CDHR1: variants seen among roughly 807,000 people sequenced by gnomAD.
CDHR1 encodes the protein cadherin related family member 1.
Under a neutral mutation model 72.1 loss-of-function variants are expected in CDHR1, and 61 were observed. The observed-to-expected ratio is 0.85, with a 90% CI of 0.69 to 1.05. The LOEUF is 1.05. Among genes scored for constraint, CDHR1 ranks in the 50% least tolerant of loss-of-function variants. The pLI is 0.00. For synonymous variants in CDHR1, 470 were observed against 448.1 expected, an observed-to-expected ratio of 1.05 and a Z score of -0.62; for missense variants, 1,186 against 1,115.7, an observed-to-expected ratio of 1.06 and a Z score of -0.90.
intron 9 of CDHR1, 95 bp from the exon 10 acceptor site, chr10:84,205,732 A>G: frequency 1.2e-6 from 1 of 800,580 alleles, no homozygotes; most frequent in South Asian, 1.4e-5. Context: ...TTCTATGAAG[A>G]CTTCCCTAGG....
At chr10:84,219,179 G>T (rs202193542), downstream of CDHR1, 5 of 1,550,438 alleles carry the variant, frequency 3.2e-6, no homozygotes, top group Admixed American at 3.9e-5. Context: ...TCCAGCCAGG[G>T]TCTGTTCTTG....
downstream of CDHR1, chr10:84,219,272 C>G (rs1435006227): frequency 3.2e-6 from 5 of 1,549,990 alleles, no homozygotes; most frequent in Middle Eastern, 6.7e-4. Flanking sequence ...GCCCAAGCAT[C>G]TTAAAAAGTA....
In CDHR1 at chr10:84,201,871, C is replaced by T. The variant is rs377285624; in HGVS notation, c.590C>T (p.Thr197Ile). 5.0e-6 allele frequency: 8 copies of T among 1,609,070 alleles called. No individual in the cohort carries two copies. The highest frequency in any genetic ancestry group is 5.9e-6 in the Non-Finnish European group (7 of 1,180,004). ...GTGCTGCGCCTCCAGGCTGGGGCCA[C>T]TCTGGACTACGAGAGGTCCCGGACC... ...SGVLRLQAGA[T>I]LDYERSRTHY... The change falls in exon 7 of 17, where the codon ACT becomes ATT. Residue 197 changes from threonine (T) to isoleucine (I), a missense_variant. Physicochemically the swap from Thr to Ile is moderately conservative, Grantham distance 89 (BLOSUM62 -1). Transcript: ENST00000623527.
At position 84,208,281 on chromosome 10, in the gene CDHR1, C is replaced by T. The variant is rs146588811; in HGVS notation, c.1071C>T (p.Ser357=). The T allele has an allele frequency of 2.7e-3, 4,334 of 1,614,146 alleles. 5 individuals are homozygous for T. Among genetic ancestry groups the T allele is most frequent in the Non-Finnish European group, 3.5e-3 (4,077 of 1,180,018 alleles). Residue 357 remains serine, a synonymous_variant, in exon 11 of 17, where the codon AGC becomes AGT. Coordinates refer to ENST00000623527, the MANE Select transcript of CDHR1 (RefSeq NM_033100.4). The part of the protein sequence containing the change: ...NNHPPTFYGE[S]GPQNRFELSM... ...ACCCGCCAACATTCTATGGAGAGAG[C>T]GGACCCCAAAACAGGTTTGAGCTGT...
At position 84,213,305 on chromosome 10, in the gene CDHR1, T is replaced by G; in HGVS notation, c.1997T>G (p.Phe666Cys). The change falls in exon 16 of 17, where the codon TTC becomes TGC. Residue 666 changes from phenylalanine (F) to cysteine (C), a missense_variant. Physicochemically the swap from Phe to Cys is radical, Grantham distance 205 (BLOSUM62 -2). Transcript: ENST00000623527. Reference protein sequence around the residue: ...VQAKDRGSPSFSTTALLKIDI... With the variant: ...VQAKDRGSPSCSTTALLKIDI... ...GCCAAGGACCGGGGCTCCCCATCCT[T>G]CAGCACCACAGCCTTACTCAAGATT... The G allele has an allele frequency of 6.2e-7, 1 of 1,614,168 alleles. No individual in the cohort carries two copies. Among genetic ancestry groups the G allele is most frequent in the Non-Finnish European group, 8.5e-7 (1 of 1,180,036 alleles).
At chr10:84,201,459 G>C (rs915210746) in intron 6 of CDHR1, among the ~76,000 whole-genome samples, 2 of 152,170 alleles carry the variant, frequency 1.3e-5, no homozygotes, top group African/African-American at 4.8e-5. Context: ...TTAACCCCTG[G>C]CTCCCTCTGG....
Position 84,217,317 on chromosome 10 carries a change from C to G in CDHR1, c.*2696C>G, listed in dbSNP as rs1304194116. Reference sequence around the variant, plus strand: ...TGGGCAGGCTTGCCCATTCCTGGCCCTGAGAATGGAGCTGTAGCCTCATGG... The same window carrying G: ...TGGGCAGGCTTGCCCATTCCTGGCCGTGAGAATGGAGCTGTAGCCTCATGG... On this transcript the variant is annotated 3_prime_UTR_variant, in exon 17 of 17. Coordinates refer to ENST00000623527, the MANE Select transcript of CDHR1 (RefSeq NM_033100.4). The G allele has an allele frequency of 2.0e-6, 2 of 985,348 alleles. No individual in the cohort carries two copies. The highest frequency in any genetic ancestry group is 3.5e-5 in the African/African-American group (2 of 57,252). 61.0% of individuals were successfully genotyped at this position (985,348 alleles called of 1,614,324 possible).
downstream of CDHR1, chr10:84,219,230 TG>T: frequency 1.3e-6 from 2 of 1,550,860 alleles, no homozygotes; most frequent in Non-Finnish European, 1.7e-6. Flanking sequence ...CTGAGTAATG[TG>T]AATCTGTACT....
chr10:84,195,703 T>G, intron 2 of CDHR1, 114 bp downstream of exon 2: 1 of 849,740 alleles, frequency 1.2e-6, no homozygotes, highest in Middle Eastern at 2.3e-4. Context: ...GGGGGCTCCT[T>G]GTTTGCTCTC....
chr10:84,198,210 G>C (rs1842060982), intron 4 of CDHR1, among the ~76,000 whole-genome samples: 3 of 152,122 alleles, frequency 2.0e-5, no homozygotes, highest in African/African-American at 7.2e-5. Context: ...GTGCTCACTG[G>C]ATAACTCAAC....
At chr10:84,197,015 C>G (rs1035231072) in intron 3 of CDHR1, among the ~76,000 whole-genome samples, 13 of 152,178 alleles carry the variant, frequency 8.5e-5, no homozygotes. Context: ...GAACTCAGAG[C>G]AGGTCAAGGC....
Position 84,216,372 on chromosome 10 carries a change from GC to G in CDHR1, c.*1754del. On this transcript the variant is annotated 3_prime_UTR_variant, in exon 17 of 17. Coordinates refer to ENST00000623527, the MANE Select transcript of CDHR1 (RefSeq NM_033100.4). ...AGAGGTGGACTCGAGCAATCCAGGAGCCCAGACTGAGCAAATAAGTACTTTC... is the reference window on the plus strand; with the variant it reads ...AGAGGTGGACTCGAGCAATCCAGGAGCCAGACTGAGCAAATAAGTACTTTC... 1 of 985,522 alleles carries G rather than the reference GC, an allele frequency of 1.0e-6. No homozygotes were observed. Among genetic ancestry groups the G allele is most frequent in the Non-Finnish European group, 1.2e-6 (1 of 829,978 alleles). 61.0% of individuals were successfully genotyped at this position (985,522 alleles called of 1,614,324 possible). A position where few individuals can be genotyped will look rare whatever the true frequency, so the allele number is the denominator to read the frequency against.
Position 84,197,775 on chromosome 10 carries a change from G to A in CDHR1, c.298-11G>A. 1 of 1,612,756 alleles carries A rather than the reference G, an allele frequency of 6.2e-7. No individual in the cohort carries two copies. Among genetic ancestry groups the A allele is most frequent in the South Asian group, 1.1e-5 (1 of 91,050 alleles). ...ACTCCTGGACACTCACTCAGTCCCT[G>A]TGCTTCACAGAGGGAAGATGAGATT... On this transcript the variant is annotated splice_polypyrimidine_tract_variant and intron_variant, in intron 3 of 16. Coordinates refer to ENST00000623527, the MANE Select transcript of CDHR1 (RefSeq NM_033100.4).
At position 84,214,308 on chromosome 10, in the gene CDHR1, T is replaced by C; in HGVS notation, c.2267T>C (p.Leu756Pro). 1 of 1,614,018 alleles carries C rather than the reference T, an allele frequency of 6.2e-7. No homozygotes were observed. The highest frequency in any genetic ancestry group is 1.1e-5 in the South Asian group (1 of 91,078). The change falls in exon 17 of 17, where the codon CTC becomes CCC. Residue 756 changes from leucine (L) to proline (P), a missense_variant. By Grantham distance (98) the Leu-to-Pro change is moderately conservative. Transcript: ENST00000623527. ...PAPRTIRIEW[L>P]KSKSTKAATK... Reference sequence around the variant, plus strand: ...CCCCGCACCATCCGCATTGAGTGGCTCAAGTCCAAGAGCACCAAAGCCGCT... The same window carrying C: ...CCCCGCACCATCCGCATTGAGTGGCCCAAGTCCAAGAGCACCAAAGCCGCT...
intron 3 of CDHR1, among the ~76,000 whole-genome samples, chr10:84,197,126 A>G (rs1842043790): frequency 6.6e-6 from 1 of 152,148 alleles, no homozygotes; most frequent in Non-Finnish European, 1.5e-5. Flanking sequence ...TTCAGACCGC[A>G]TAGCAGCCTG....
At position 84,217,040 on chromosome 10, in the gene CDHR1, G is replaced by A; in HGVS notation, c.*2419G>A. ...GAGCCAATCTTGCAAACTGGCCATG[G>A]ATGGGGAAGTGCCCGGTAGCCAGCA... On this transcript the variant is annotated 3_prime_UTR_variant, in exon 17 of 17. Transcript: ENST00000623527. 1.0e-6 allele frequency: 1 copy of A among 985,690 alleles called. No individual in the cohort carries two copies. Among genetic ancestry groups the A allele is most frequent in the Non-Finnish European group, 1.2e-6 (1 of 830,102 alleles). 61.1% of individuals were successfully genotyped at this position (985,690 alleles called of 1,614,324 possible). A position where few individuals can be genotyped will look rare whatever the true frequency, so the allele number is the denominator to read the frequency against.
At position 84,208,214 on chromosome 10, in the gene CDHR1, C is replaced by T; in HGVS notation, c.1004C>T (p.Ala335Val). 6.2e-7 allele frequency: 1 copy of T among 1,614,156 alleles called. No individual in the cohort carries two copies. ...CCTGCGGGGAGCCCAGCTGCCCAGG[C>T]CACCGTCCCAGTCACCATCAGGATT... ...MSPAGSPAAQ[A>V]TVPVTIRIVD... The change falls in exon 11 of 17, where the codon GCC becomes GTC. Residue 335 changes from alanine (A) to valine (V), a missense_variant. By Grantham distance (64) the Ala-to-Val change is moderately conservative (BLOSUM62 0). Coordinates refer to ENST00000623527, the MANE Select transcript of CDHR1 (RefSeq NM_033100.4).
At position 84,216,549 on chromosome 10, in the gene CDHR1, T is replaced by A. The variant is rs563981580; in HGVS notation, c.*1928T>A. The A allele has an allele frequency of 1.9e-5, 19 of 985,528 alleles. No homozygotes were observed. The African/African-American group carries it at 2.8e-4, about 14-fold the overall frequency. The allele number at this position is 985,528 out of a possible 1,614,324, so 61.0% of individuals were successfully genotyped here. A position where few individuals can be genotyped will look rare whatever the true frequency, so the allele number is the denominator to read the frequency against. On this transcript the variant is annotated 3_prime_UTR_variant, in exon 17 of 17. Transcript: ENST00000623527. ...GCCATGCTGATCCCCTGCTCCCTGC[T>A]TTCATTTATGTTTGCTGACCTGTGG...
intron 10 of CDHR1, among the ~76,000 whole-genome samples, chr10:84,207,301 A>G (rs1172011571): frequency 6.6e-6 from 1 of 152,152 alleles, no homozygotes; most frequent in Non-Finnish European, 1.5e-5. Context: ...GAGGGATCAG[A>G]GAGGTTGAGG....
Sources: gnomAD v4.1 joint callset for allele counts (sites outside exome capture counted in the v4.1 genomes callset) on GRCh38, gnomAD v4.1.1 for gene constraint, MANE v1.5 for transcripts, NCBI Gene and HGNC (gene_info 2026-07-23, HGNC 2026-07-21) for gene names.